The following AZU1 variants were observed in gnomAD, a reference collection of about 807,000 sequenced individuals.
AZU1 encodes azurocidin.
AZU1 carries 21 observed loss-of-function variants against 17.8 expected under a neutral mutation model. The observed-to-expected ratio is 1.18, with a 90% CI of 0.84 to 1.70. The LOEUF is 1.70. AZU1 is among the 40% of genes most tolerant of loss of function. The probability of loss-of-function intolerance (pLI) is 0.00; values close to 1 mark genes in which losing one functional copy is unlikely to be tolerated. For synonymous variants in AZU1, 178 were observed against 155.2 expected, an observed-to-expected ratio of 1.15 and a Z score of -1.09; for missense variants, 379 against 362.9, an observed-to-expected ratio of 1.04 and a Z score of -0.36.
At chr19:829,936 A>ATATGTGTGTGTGTG (rs368933425) in intron 3 of AZU1, among the ~76,000 whole-genome samples, 44 of 137,862 alleles carry the variant, frequency 3.2e-4, no homozygotes, top group African/African-American at 1.0e-3. Context: ...AAAAATATAT[A>ATATGTGTGTGTGTG]TGTGTGTGTG....
chr19:831,935 C>G lies in AZU1; in HGVS notation c.*58C>G. 6.4e-7 allele frequency: 1 copy of G among 1,553,980 alleles called. No individual in the cohort carries two copies. Among genetic ancestry groups the G allele is most frequent in the East Asian group, 2.3e-5 (1 of 44,134 alleles). On this transcript the variant is annotated 3_prime_UTR_variant, in exon 5 of 5. Transcript: ENST00000233997. Reference sequence around the variant, plus strand: ...CGCCCTCCACACCTCCGGCGCTCCGCACCCACCTCCCACGGCCCCGCCCCT... The same window carrying G: ...CGCCCTCCACACCTCCGGCGCTCCGGACCCACCTCCCACGGCCCCGCCCCT...
Position 827,917 on chromosome 19 carries a change from C to G in AZU1, c.58+13C>G. 1 of 1,536,890 alleles carries G rather than the reference C, an allele frequency of 6.5e-7. No individual in the cohort carries two copies. The highest frequency in any genetic ancestry group is 8.7e-7 in the Non-Finnish European group (1 of 1,147,108). On this transcript the variant is annotated intron_variant, in intron 1 of 4. Coordinates refer to ENST00000233997, the MANE Select transcript of AZU1 (RefSeq NM_001700.5). ...TCCTCGAGGGCCGGTGAGTGCCTCT[C>G]TGTGCCGGTGGTCCCCCATCTGTGC...
intron 4 of AZU1, 99 bp from the exon 5 acceptor site, chr19:831,617 G>A: frequency 7.6e-7 from 1 of 1,322,750 alleles, no homozygotes; most frequent in East Asian, 2.5e-5. Flanking sequence ...GGCTGGATCA[G>A]GACTTGTAGG....
chr19:828,178 C>T lies in AZU1; in HGVS notation c.59-52C>T, dbSNP rs558206275. On this transcript the variant is annotated intron_variant, in intron 1 of 4. Coordinates refer to ENST00000233997, the MANE Select transcript of AZU1 (RefSeq NM_001700.5). Reference sequence around the variant, plus strand: ...GAGGCTGCAGCTTCACACGCCCTCCCGGCCACTGTGTGGATTCTTGGGGAT... The same window carrying T: ...GAGGCTGCAGCTTCACACGCCCTCCTGGCCACTGTGTGGATTCTTGGGGAT... 1.0e-4 allele frequency: 159 copies of T among 1,534,596 alleles called. No individual in the cohort carries two copies. In the East Asian group the frequency reaches 3.2e-3, roughly 31 times the overall value.
Position 827,845 on chromosome 19 carries a change from C to A in AZU1, c.-2C>A. 6.5e-7 allele frequency: 1 copy of A among 1,536,314 alleles called. No individual in the cohort carries two copies. The highest frequency in any genetic ancestry group is 1.2e-5 in the South Asian group (1 of 84,080). On this transcript the variant is annotated 5_prime_UTR_variant, in exon 1 of 5. Transcript: ENST00000233997. ...CCGCCTTAGCCACAGACCTGCCCCG[C>A]CATGACCCGGCTGACAGTCCTGGCC...
intron 4 of AZU1, 59 bp downstream of exon 4, chr19:831,000 G>A (rs759108068): frequency 8.5e-6 from 13 of 1,535,866 alleles, no homozygotes; most frequent in African/African-American, 1.4e-5. Context: ...CTCCGTGGCA[G>A]GAGAAAGCAA....
In AZU1 at chr19:830,822, A is replaced by G; in HGVS notation, c.475A>G (p.Ser159Gly). The G allele has an allele frequency of 1.2e-6, 2 of 1,607,688 alleles. No individual in the cohort carries two copies. Among genetic ancestry groups the G allele is most frequent in the South Asian group, 2.2e-5 (2 of 91,054 alleles). ...GGTGGCCGGCTGGGGGAGCCAGCGC[A>G]GTGGGGGGCGTCTCTCCCGTTTTCC... Reference protein sequence around the residue: ...CQVAGWGSQRSGGRLSRFPRF... With the variant: ...CQVAGWGSQRGGGRLSRFPRF... The change falls in exon 4 of 5, where the codon AGT (serine) becomes GGT (glycine). Residue 159 changes from serine to glycine, a missense_variant. By Grantham distance (56) the Ser-to-Gly change is moderately conservative. Coordinates refer to ENST00000233997, the MANE Select transcript of AZU1 (RefSeq NM_001700.5).
chr19:831,668 G>A (rs376776448), intron 4 of AZU1, 48 bp from the exon 5 acceptor site: 157 of 1,525,222 alleles, frequency 1.0e-4, no homozygotes, highest in Non-Finnish European at 1.1e-4. Context: ...CTGGGGTGGC[G>A]TGGGAGCCAG....
intron 2 of AZU1, 101 bp downstream of exon 2, chr19:828,487 G>A (rs2035242968): frequency 4.0e-6 from 5 of 1,239,340 alleles, no homozygotes; most frequent in Non-Finnish European, 4.3e-6. Context: ...GTGAGGAGGG[G>A]AGGGGATTGC....
At chr19:831,415 G>A (rs917544043) in intron 4 of AZU1, 23 of 418,758 alleles carry the variant, frequency 5.5e-5, no homozygotes, top group South Asian at 4.5e-5. Flanking sequence ...TGTGAGCCAC[G>A]TCTGTGCTGG....
intron 4 of AZU1, chr19:831,320 G>A (rs1262320605): frequency 6.6e-6 from 2 of 304,506 alleles, no homozygotes; most frequent in East Asian, 6.4e-5. Flanking sequence ...CCTCATGATC[G>A]ACCCACCTTG....
At chr19:830,429 T>C (rs2035273200) in intron 3 of AZU1, among the ~76,000 whole-genome samples, 1 of 152,154 alleles carries the variant, frequency 6.6e-6, no homozygotes, top group Non-Finnish European at 1.5e-5. Context: ...GATAAAATTA[T>C]CTCAAAAATA....
chr19:828,404 G>A lies in AZU1; in HGVS notation c.215+18G>A. ...CAAAGCCAGTGAGGGGTCCTGGGGAGGGGGCCTAGGGGGCATTGGGGCTCA... is the reference window on the plus strand; with the variant it reads ...CAAAGCCAGTGAGGGGTCCTGGGGAAGGGGCCTAGGGGGCATTGGGGCTCA... On this transcript the variant is annotated intron_variant, in intron 2 of 4. Transcript: ENST00000233997. The A allele has an allele frequency of 6.5e-7, 1 of 1,530,262 alleles. No individual in the cohort carries two copies. Among genetic ancestry groups the A allele is most frequent in the Non-Finnish European group, 8.8e-7 (1 of 1,138,406 alleles). The allele number at this position is 1,530,262 out of a possible 1,614,324, so 94.8% of individuals were successfully genotyped here. A position where few individuals can be genotyped will look rare whatever the true frequency, so the allele number is the denominator to read the frequency against.
chr19:831,541 C>A (rs2035287810), intron 4 of AZU1, 175 bp from the exon 5 acceptor site: 1 of 748,142 alleles, frequency 1.3e-6, no homozygotes, highest in Non-Finnish European at 2.0e-6. Context: ...CAGAAAGCAA[C>A]TGATCCCAAA....
At chr19:830,307 G>T (rs1280032068) in intron 3 of AZU1, among the ~76,000 whole-genome samples, 1 of 152,128 alleles carries the variant, frequency 6.6e-6, no homozygotes, top group Non-Finnish European at 1.5e-5. Context: ...GATGTACCAC[G>T]GTTCGCGTAT....
intron 4 of AZU1, 108 bp from the exon 5 acceptor site, chr19:831,608 G>A: frequency 2.4e-6 from 3 of 1,250,824 alleles, no homozygotes; most frequent in Admixed American, 2.8e-5. Context: ...AGGCCCTGGG[G>A]CTGGATCAGG....
At position 830,949 on chromosome 19, in the gene AZU1, C is replaced by T. The variant is rs1417812927; in HGVS notation, c.594+8C>T. On this transcript the variant is annotated splice_region_variant and intron_variant, in intron 4 of 4. Transcript: ENST00000233997. ...CGCGGTGGCATCTGCAATGTGAGTG[C>T]TCCCTGTGGCGGGAGGAGGGGTCCT... 1 of 1,598,610 alleles carries T rather than the reference C, an allele frequency of 6.3e-7. No homozygotes were observed. The highest frequency in any genetic ancestry group is 1.1e-5 in the South Asian group (1 of 90,956).
At chr19:831,080 C>CT (rs879042801) in intron 4 of AZU1, 139 bp downstream of exon 4, 50,094 of 570,426 alleles carry the variant, frequency 0.088, no homozygotes, top group Middle Eastern at 0.11. Context: ...GAAACAGTAT[C>CT]TTTTTTTTTT....
Position 831,979 on chromosome 19 carries a change from G to A in AZU1, c.*102G>A. On this transcript the variant is annotated 3_prime_UTR_variant, in exon 5 of 5. Transcript: ENST00000233997. ...CGCCCCTGCCCCCGCTCCGGCCAGAGGGGCCCTGGCTGTAATAAAGAAGCC... is the reference window on the plus strand; with the variant it reads ...CGCCCCTGCCCCCGCTCCGGCCAGAAGGGCCCTGGCTGTAATAAAGAAGCC... 7.2e-7 allele frequency: 1 copy of A among 1,379,518 alleles called. No individual in the cohort carries two copies. Among genetic ancestry groups the A allele is most frequent in the South Asian group, 1.3e-5 (1 of 74,142 alleles). The allele number at this position is 1,379,518 out of a possible 1,614,324, so 85.5% of individuals were successfully genotyped here. A position where few individuals can be genotyped will look rare whatever the true frequency, so the allele number is the denominator to read the frequency against.
Sources: allele counts gnomAD v4.1 joint callset (sites outside exome capture counted in the v4.1 genomes callset), GRCh38; gene constraint gnomAD v4.1.1; transcripts MANE v1.5; gene names NCBI Gene and HGNC (gene_info 2026-07-23, HGNC 2026-07-21).